POLN: variants seen among roughly 807,000 people sequenced by gnomAD.
POLN encodes the protein DNA polymerase N.
Under a neutral mutation model 113.5 loss-of-function variants are expected in POLN, and 108 were observed. The observed-to-expected ratio is 0.95, with a 90% CI of 0.81 to 1.12. The LOEUF is 1.12. Ranked by LOEUF, POLN falls within the 50% of genes most tolerant of loss-of-function variation. POLN has a pLI of 0.00. For missense variants in POLN, 1,097 were observed against 1,077.1 expected, an observed-to-expected ratio of 1.02 and a Z score of -0.26; for synonymous variants, 386 against 391.5, an observed-to-expected ratio of 0.99 and a Z score of 0.17.
At chr4:2,079,344 A>G in intron 23 of POLN, 1 of 857,182 alleles carries the variant, frequency 1.2e-6, no homozygotes, top group Non-Finnish European at 1.4e-6. Flanking sequence ...GAGAAGCTAT[A>G]ATTTACCTGC....
Position 2,072,973 on chromosome 4 carries a change from G to A in POLN, c.2512C>T (p.Leu838Phe). The change falls in exon 25 of 26, where the codon CTT becomes TTT. Residue 838 changes from leucine (L) to phenylalanine (F), a missense_variant. Physicochemically the swap from Leu to Phe is conservative, Grantham distance 22 (BLOSUM62 0). Coordinates refer to ENST00000511885, the MANE Select transcript of POLN (RefSeq NM_181808.4). ...AGGCTTAAGTGTCCCCTCACCTGAA[G>A]CTGCAGCTCCAATGCCTGCACCTGT... ...LEQVQALELQ[L>F]QVPLKVSLSA... 6.2e-7 allele frequency: 1 copy of A among 1,613,270 alleles called. No individual in the cohort carries two copies. The highest frequency in any genetic ancestry group is 8.5e-7 in the Non-Finnish European group (1 of 1,179,922).
At chr4:2,164,569 A>G (rs1732680784) in intron 13 of POLN, among the ~76,000 whole-genome samples, 1 of 148,542 alleles carries the variant, frequency 6.7e-6, no homozygotes, top group Non-Finnish European at 1.5e-5. Context: ...TTGGGAGGCC[A>G]AGGTGGGTGG....
chr4:2,105,296 G>T (rs1370692035), intron 19 of POLN, among the ~76,000 whole-genome samples: 5 of 151,904 alleles, frequency 3.3e-5, no homozygotes, highest in African/African-American at 1.2e-4. Flanking sequence ...ATTTTTCCCT[G>T]GCCATCATCT....
chr4:2,183,755 A>G (rs1235520296), intron 7 of POLN, among the ~76,000 whole-genome samples: 2 of 152,206 alleles, frequency 1.3e-5, no homozygotes, highest in African/African-American at 4.8e-5. Context: ...TAGATGCACA[A>G]TTCTGTGATT....
intron 5 of POLN, among the ~76,000 whole-genome samples, chr4:2,206,795 T>C (rs1733855758): frequency 6.6e-6 from 1 of 152,216 alleles, no homozygotes; most frequent in Admixed American, 6.5e-5. Context: ...TCTATACTTC[T>C]GGTGGGAATG....
rs533175555 is a variant in POLN at position 2,103,641 on chromosome 4, C to T, written c.1983-7708G>A. Among the ~76,000 whole-genome samples, 8 of 152,230 alleles carry T rather than the reference C, an allele frequency of 5.3e-5. No homozygotes were observed. In the South Asian group the frequency reaches 1.7e-3, roughly 32 times the overall value. ...AAAATACAATGTGAAAAGGACTTTG[C>T]CACAGCACATTATAATCAGACCGTC... On this transcript the variant is annotated intron_variant, in intron 19 of 25. Coordinates refer to ENST00000511885, the MANE Select transcript of POLN (RefSeq NM_181808.4).
Position 2,240,246 on chromosome 4 carries a change from T to C in POLN, c.-13+1274A>G, listed in dbSNP as rs955432265. 3 of 1,613,606 alleles carry C rather than the reference T, an allele frequency of 1.9e-6. No homozygotes were observed. In the African/African-American group the frequency reaches 4.0e-5, roughly 22 times the overall value. ...ATCTAAAAGTTGAAAATTGTCTTCA[T>C]TTGAACTTTCAACTACTTCATGTAT... On this transcript the variant is annotated intron_variant, in intron 2 of 25. Coordinates refer to ENST00000511885, the MANE Select transcript of POLN (RefSeq NM_181808.4).
chr4:2,131,349 A>G lies in POLN; in HGVS notation c.1732-59T>C, dbSNP rs527521331. On this transcript the variant is annotated intron_variant, in intron 16 of 25. Coordinates refer to ENST00000511885, the MANE Select transcript of POLN (RefSeq NM_181808.4). ...TATCTACTCTTAATCTGTACTACTT[A>G]GGGTATTTAATGTACATCACATTTT... is the stretch of plus-strand genomic sequence containing the variant. 7.2e-5 allele frequency: 83 copies of G among 1,158,622 alleles called. No homozygotes were observed. In the African/African-American group the frequency reaches 1.1e-3, roughly 16 times the overall value. 71.8% of individuals were successfully genotyped at this position (1,158,622 alleles called of 1,614,324 possible).
At chr4:2,148,902 A>G (rs998529002) in intron 16 of POLN, among the ~76,000 whole-genome samples, 4 of 152,182 alleles carry the variant, frequency 2.6e-5, no homozygotes, top group Admixed American at 1.3e-4. Flanking sequence ...AGAAGAAAGT[A>G]ACATCTTCAA....
rs533560842 is a variant in POLN, at chr4:2,190,413, A to G, written c.1021+2791T>C. 3.9e-5 allele frequency among the ~76,000 whole-genome samples: 6 copies of G among 152,354 alleles called. No homozygotes were observed. In the South Asian group the frequency reaches 1.2e-3, roughly 32 times the overall value. On this transcript the variant is annotated intron_variant, in intron 7 of 25. Coordinates refer to ENST00000511885, the MANE Select transcript of POLN (RefSeq NM_181808.4). ...ATTAAGGACTTAAATCTAAGACCTG[A>G]AACTATGAAACATCTGGAAGAAAAC...
chr4:2,149,280 G>A (rs765350966), intron 16 of POLN, among the ~76,000 whole-genome samples: 2 of 148,858 alleles, frequency 1.3e-5, no homozygotes, highest in Non-Finnish European at 3.0e-5. Context: ...GGCGACAGGA[G>A]TGAAACCCTA....
intron 20 of POLN, among the ~76,000 whole-genome samples, chr4:2,092,411 G>A (rs779644238): frequency 1.4e-4 from 21 of 152,248 alleles, no homozygotes; most frequent in Non-Finnish European, 3.1e-4. Flanking sequence ...GCGCAGGGCC[G>A]TCAGGCTGGG....
intron 19 of POLN, among the ~76,000 whole-genome samples, chr4:2,110,249 G>A (rs919943052): frequency 1.3e-5 from 2 of 152,092 alleles, no homozygotes; most frequent in Non-Finnish European, 2.9e-5. Context: ...AGTGTGTAGA[G>A]GGAAATTTAT....
At chr4:2,079,584 G>T in intron 23 of POLN, 1 of 985,374 alleles carries the variant, frequency 1.0e-6, no homozygotes. Context: ...GACTGAGAGT[G>T]AATCTTATTT....
intron 3 of POLN, among the ~76,000 whole-genome samples, chr4:2,222,711 T>TTG (rs767594412): frequency 2.4e-3 from 351 of 147,772 alleles, no homozygotes; most frequent in African/African-American, 8.1e-3. Context: ...TTTTTTTTTT[T>TTG]TATTTTTCCA....
intron 7 of POLN, 85 bp from the exon 8 acceptor site, chr4:2,179,550 A>G (rs1733082227): frequency 7.8e-7 from 1 of 1,284,774 alleles, no homozygotes; most frequent in Admixed American, 2.0e-5. Flanking sequence ...AGTTCAAACG[A>G]ATAGTAGTAG....
intron 7 of POLN, among the ~76,000 whole-genome samples, chr4:2,186,744 C>T (rs1257477547): frequency 6.6e-6 from 1 of 152,160 alleles, no homozygotes; most frequent in Non-Finnish European, 1.5e-5. Context: ...AAGTGGGGAA[C>T]CATGACATTC....
intron 9 of POLN, among the ~76,000 whole-genome samples, chr4:2,176,055 T>C (rs979300569): frequency 2.6e-5 from 4 of 152,242 alleles, no homozygotes; most frequent in African/African-American, 7.2e-5. Context: ...TAAAAAATAT[T>C]ACAATTGTTT....
chr4:2,121,648 C>T (rs766073327), intron 19 of POLN, among the ~76,000 whole-genome samples: 11 of 151,686 alleles, frequency 7.3e-5, no homozygotes, highest in Non-Finnish European at 1.6e-4. Context: ...TATAGTATTC[C>T]CTTTTTAACC....
Sources: gnomAD v4.1 joint callset for allele counts (sites outside exome capture counted in the v4.1 genomes callset) on GRCh38, gnomAD v4.1.1 for gene constraint, MANE v1.5 for transcripts, NCBI Gene and HGNC (gene_info 2026-07-23, HGNC 2026-07-21) for gene names.